The following RORA variants were observed in gnomAD, a reference collection of about 807,000 sequenced individuals.
RORA encodes the protein RAR related orphan receptor A, also known as nuclear receptor ROR-alpha.
In RORA, 7 loss-of-function variants were observed where a neutral mutation model predicts 69.5. The ratio of observed to expected loss-of-function variants is 0.10; its 90% CI spans 0.06 to 0.19. RORA has a LOEUF of 0.19. Among genes scored for constraint, RORA ranks in the 10% least tolerant of loss-of-function variants. The probability of loss-of-function intolerance (pLI) is 1.00; values close to 1 mark genes in which losing one functional copy is unlikely to be tolerated. For missense variants in RORA, 457 were observed against 663.0 expected (o/e 0.69, Z 3.41); for synonymous variants, 261 against 240.8 (o/e 1.08, Z -0.78).
At chr15:60,617,552 G>A (rs545259928) in intron 2 of RORA, among the ~76,000 whole-genome samples, 15 of 152,130 alleles carry the variant, frequency 9.9e-5, no homozygotes, top group East Asian at 5.8e-4. Flanking sequence ...ATTTCAATGC[G>A]TGTTACAGAT....
intron 1 of RORA, among the ~76,000 whole-genome samples, chr15:61,209,727 G>A (rs1292219117): frequency 1.3e-5 from 2 of 152,184 alleles, no homozygotes; most frequent in African/African-American, 4.8e-5. Flanking sequence ...GCAGACCTCT[G>A]TATAACTCAT....
At chr15:60,637,305 G>A (rs2069858698) in intron 2 of RORA, among the ~76,000 whole-genome samples, 1 of 152,036 alleles carries the variant, frequency 6.6e-6, no homozygotes, top group Admixed American at 6.5e-5. Context: ...ACAGACTAAT[G>A]AAACACATTA....
intron 1 of RORA, among the ~76,000 whole-genome samples, chr15:61,186,252 A>G (rs527236482): frequency 1.8e-4 from 28 of 152,322 alleles, no homozygotes; most frequent in Non-Finnish European, 3.4e-4. Context: ...TTAAGTGACT[A>G]AAAAGCAAAC....
intron 1 of RORA, among the ~76,000 whole-genome samples, chr15:60,819,699 C>T (rs2072862340): frequency 6.6e-6 from 1 of 151,054 alleles, no homozygotes; most frequent in Non-Finnish European, 1.5e-5. Context: ...CAGTAAGGGG[C>T]TCCCTAGTGC....
At chr15:60,873,111 G>A (rs1227752929) in intron 1 of RORA, among the ~76,000 whole-genome samples, 1 of 152,010 alleles carries the variant, frequency 6.6e-6, no homozygotes, top group East Asian at 1.9e-4. Flanking sequence ...GGTGCCCAGA[G>A]CCTCTTGTGC....
chr15:60,540,369 G>A (rs2066823710), intron 2 of RORA, among the ~76,000 whole-genome samples: 1 of 151,978 alleles, frequency 6.6e-6, no homozygotes, highest in South Asian at 2.1e-4. Context: ...CTGCTCAACC[G>A]AAAACATCAG....
intron 1 of RORA, among the ~76,000 whole-genome samples, chr15:60,779,421 G>C (rs2072222249): frequency 1.3e-5 from 2 of 152,172 alleles, no homozygotes; most frequent in Admixed American, 1.3e-4. Context: ...CTCTCCATAA[G>C]ACTCCCTGAA....
intron 1 of RORA, among the ~76,000 whole-genome samples, chr15:60,788,169 C>T (rs898196349): frequency 6.6e-6 from 1 of 152,226 alleles, no homozygotes; most frequent in African/African-American, 2.4e-5. Context: ...CAGGGGTAGG[C>T]TGAAATTTCC....
chr15:60,895,309 T>A (rs1891201181), intron 1 of RORA, among the ~76,000 whole-genome samples: 1 of 152,156 alleles, frequency 6.6e-6, no homozygotes, highest in Non-Finnish European at 1.5e-5. Flanking sequence ...ATACATGAAG[T>A]TCATTAACTG....
At chr15:60,713,804 T>C (rs1227789059) in intron 1 of RORA, among the ~76,000 whole-genome samples, 1 of 152,170 alleles carries the variant, frequency 6.6e-6, no homozygotes, top group East Asian at 1.9e-4. Flanking sequence ...GCTCAATACA[T>C]ATAAACTACT....
At chr15:60,713,702 T>C (rs1034645589) in intron 1 of RORA, among the ~76,000 whole-genome samples, 1 of 152,050 alleles carries the variant, frequency 6.6e-6, no homozygotes, top group Admixed American at 6.5e-5. Flanking sequence ...AGGACTTGGG[T>C]AAGGAAGTGA....
intron 1 of RORA, among the ~76,000 whole-genome samples, chr15:60,974,163 G>C (rs569400908): frequency 1.3e-5 from 2 of 152,192 alleles, no homozygotes; most frequent in Admixed American, 1.3e-4. Flanking sequence ...CCTGGCCCCC[G>C]TGGAACCCAC....
intron 2 of RORA, among the ~76,000 whole-genome samples, chr15:60,673,668 G>A (rs865964487): frequency 2.6e-5 from 4 of 152,082 alleles, no homozygotes; most frequent in African/African-American, 7.2e-5. Flanking sequence ...AGTTATGAGC[G>A]ACTTATGGAA....
intron 1 of RORA, among the ~76,000 whole-genome samples, chr15:61,123,405 G>C (rs2079119314): frequency 2.0e-5 from 3 of 152,146 alleles, no homozygotes; most frequent in Non-Finnish European, 2.9e-5. Context: ...TAATGTAAGG[G>C]CAGGATGTGT....
At chr15:60,813,595 T>A (rs1028321116) in intron 1 of RORA, among the ~76,000 whole-genome samples, 24 of 152,316 alleles carry the variant, frequency 1.6e-4, no homozygotes, top group Admixed American at 1.2e-3. Context: ...CATCTTCCCA[T>A]CAGCCTGCCA....
At chr15:61,079,639 G>A (rs1414734931) in intron 1 of RORA, among the ~76,000 whole-genome samples, 1 of 152,104 alleles carries the variant, frequency 6.6e-6, no homozygotes, top group Non-Finnish European at 1.5e-5. Flanking sequence ...TTGTGATAGG[G>A]ATGGAAAAAA....
At chr15:61,139,720 G>A (rs919933943) in intron 1 of RORA, among the ~76,000 whole-genome samples, 1 of 152,138 alleles carries the variant, frequency 6.6e-6, no homozygotes, top group African/African-American at 2.4e-5. Flanking sequence ...CGAGAGAGTC[G>A]ACTACTCCTG....
chr15:60,878,205 G>A (rs1595786005), intron 1 of RORA, among the ~76,000 whole-genome samples: 2 of 148,416 alleles, frequency 1.3e-5, no homozygotes, highest in South Asian at 2.1e-4. Context: ...TTAGCCAGGC[G>A]TAGTGGCGGG....
At chr15:61,121,857 A>G (rs941599745) in intron 1 of RORA, among the ~76,000 whole-genome samples, 3 of 152,074 alleles carry the variant, frequency 2.0e-5, no homozygotes, top group Non-Finnish European at 2.9e-5. Flanking sequence ...ATAAAAAAAA[A>G]AAAGGGCCCA....
Sources: allele counts gnomAD v4.1 joint callset (sites outside exome capture counted in the v4.1 genomes callset), GRCh38; gene constraint gnomAD v4.1.1; transcripts MANE v1.5; gene names NCBI Gene and HGNC (gene_info 2026-07-23, HGNC 2026-07-21).